Variants in CACNA2D3 observed in about 807,000 individuals in gnomAD.
The protein encoded by CACNA2D3 is calcium voltage-gated channel auxiliary subunit alpha2delta 3.
Under a neutral mutation model 160.6 loss-of-function variants are expected in CACNA2D3, and 60 were observed. The ratio of observed to expected loss-of-function variants is 0.37; its 90% confidence interval spans 0.30 to 0.46. The LOEUF is 0.46. Ranked by LOEUF, CACNA2D3 falls within the 20% of genes least tolerant of loss-of-function variation. The pLI is 1.00. For missense variants in CACNA2D3, 1,205 were observed against 1,365.0 expected, an observed-to-expected ratio of 0.88 and a Z score of 1.85; for synonymous variants, 558 against 492.9, an observed-to-expected ratio of 1.13 and a Z score of -1.75.
chr3:54,509,291 TTGTG>T (rs10586548), intron 5 of CACNA2D3, among the ~76,000 whole-genome samples: 137,660 of 150,932 alleles, frequency 0.91, 63,853 homozygotes, highest in Non-Finnish European at 0.99. Flanking sequence ...GTGTGTGTGT[TTGTG>T]TGTGTGTGTG....
chr3:54,563,871 C>G (rs143165714), intron 6 of CACNA2D3, among the ~76,000 whole-genome samples: 208 of 152,320 alleles, frequency 1.4e-3, no homozygotes, highest in African/African-American at 4.5e-3. Flanking sequence ...GCATCTGACC[C>G]TCGAGAATTG....
At chr3:54,680,159 TAA>T (rs111730342) in intron 11 of CACNA2D3, among the ~76,000 whole-genome samples, 1 of 144,272 alleles carries the variant, frequency 6.9e-6, no homozygotes, top group African/African-American at 2.5e-5. Context: ...ATTGAGAAGC[TAA>T]AAAAAAAAAA....
At chr3:55,031,093 C>T (rs989638883) in intron 35 of CACNA2D3, among the ~76,000 whole-genome samples, 2 of 152,158 alleles carry the variant, frequency 1.3e-5, no homozygotes, top group Non-Finnish European at 2.9e-5. Context: ...AGGAGACCAG[C>T]AGAGCCAAGG....
At chr3:54,760,569 T>C (rs1010901219) in intron 12 of CACNA2D3, among the ~76,000 whole-genome samples, 1 of 152,138 alleles carries the variant, frequency 6.6e-6, no homozygotes, top group Admixed American at 6.5e-5. Context: ...AGACAATCTC[T>C]GATGGCTGTG....
At chr3:54,288,644 C>T (rs1703099519) in intron 2 of CACNA2D3, among the ~76,000 whole-genome samples, 1 of 152,102 alleles carries the variant, frequency 6.6e-6, no homozygotes, top group Admixed American at 6.5e-5. Flanking sequence ...GACCAATATC[C>T]TTGATGAACA....
At chr3:54,703,300 G>A (rs1252268561) in intron 11 of CACNA2D3, among the ~76,000 whole-genome samples, 1 of 152,112 alleles carries the variant, frequency 6.6e-6, no homozygotes, top group Non-Finnish European at 1.5e-5. Context: ...GTGCCACAGA[G>A]TTTATTTGTA....
At chr3:54,893,587 G>C (rs1700118208) in intron 25 of CACNA2D3, among the ~76,000 whole-genome samples, 1 of 152,126 alleles carries the variant, frequency 6.6e-6, no homozygotes, top group African/African-American at 2.4e-5. Flanking sequence ...TTTTGGTTTA[G>C]TTTTTGCTTT....
intron 4 of CACNA2D3, among the ~76,000 whole-genome samples, chr3:54,490,533 G>GT (rs1426844445): frequency 6.6e-6 from 1 of 152,180 alleles, no homozygotes; most frequent in Non-Finnish European, 1.5e-5. Context: ...ACACAAAAAT[G>GT]TTTCCCTAAG....
intron 3 of CACNA2D3, among the ~76,000 whole-genome samples, chr3:54,350,986 G>T (rs80201523): frequency 0.36 from 23,448 of 64,674 alleles, 5,178 homozygotes; most frequent in East Asian, 0.41. Context: ...TTTTTTGTTT[G>T]TTTTTTTTTT....
chr3:54,817,251 A>C (rs962500302), intron 14 of CACNA2D3, among the ~76,000 whole-genome samples: 11 of 152,222 alleles, frequency 7.2e-5, no homozygotes, highest in African/African-American at 2.7e-4. Flanking sequence ...CGTGGTAACC[A>C]AGTTTAAATT....
chr3:54,596,268 C>A (rs1702952860), intron 9 of CACNA2D3, among the ~76,000 whole-genome samples: 1 of 152,154 alleles, frequency 6.6e-6, no homozygotes, highest in Non-Finnish European at 1.5e-5. Context: ...TGTCTTCTCC[C>A]AGCATCTCAG....
At chr3:54,748,196 T>A (rs1701790979) in intron 11 of CACNA2D3, among the ~76,000 whole-genome samples, 1 of 152,206 alleles carries the variant, frequency 6.6e-6, no homozygotes, top group Non-Finnish European at 1.5e-5. Flanking sequence ...TCTGTGCAAT[T>A]GCCCCATATA....
intron 4 of CACNA2D3, among the ~76,000 whole-genome samples, chr3:54,492,433 C>A (rs1350454675): frequency 1.3e-5 from 2 of 152,342 alleles, no homozygotes; most frequent in South Asian, 4.1e-4. Context: ...TGGCCTCCTA[C>A]AGCTTTCCCT....
At chr3:54,877,749 G>A (rs1354332725) in intron 18 of CACNA2D3, among the ~76,000 whole-genome samples, 2 of 152,170 alleles carry the variant, frequency 1.3e-5, no homozygotes, top group African/African-American at 4.8e-5. Flanking sequence ...TGGGGGTGGG[G>A]TGGCATGGAG....
intron 29 of CACNA2D3, among the ~76,000 whole-genome samples, chr3:54,972,298 T>A (rs762795794): frequency 6.6e-6 from 1 of 152,244 alleles, no homozygotes; most frequent in Non-Finnish European, 1.5e-5. Flanking sequence ...GTTTGTACTT[T>A]GAAGCTGTCA....
intron 11 of CACNA2D3, among the ~76,000 whole-genome samples, chr3:54,674,635 G>T (rs1296205535): frequency 1.3e-5 from 2 of 152,114 alleles, no homozygotes; most frequent in African/African-American, 4.8e-5. Context: ...TTGGTTGGAA[G>T]GATAGTTAAT....
At chr3:54,953,167 G>A (rs1395707112) in intron 27 of CACNA2D3, among the ~76,000 whole-genome samples, 2 of 152,216 alleles carry the variant, frequency 1.3e-5, no homozygotes, top group Non-Finnish European at 2.9e-5. Flanking sequence ...CTGGCACTGT[G>A]CTAGGCTCAT....
At chr3:54,770,862 T>A (rs1271310324) in intron 13 of CACNA2D3, among the ~76,000 whole-genome samples, 1 of 152,166 alleles carries the variant, frequency 6.6e-6, no homozygotes, top group East Asian at 1.9e-4. Context: ...TTTCTGTGAA[T>A]CTGTAAATGA....
intron 11 of CACNA2D3, among the ~76,000 whole-genome samples, chr3:54,703,661 A>G (rs757321388): frequency 6.6e-6 from 1 of 152,126 alleles, no homozygotes; most frequent in African/African-American, 2.4e-5. Flanking sequence ...TTTCTTTTCA[A>G]TATTTAGGAA....
Sources: gnomAD v4.1 joint callset for allele counts (sites outside exome capture counted in the v4.1 genomes callset) on GRCh38, gnomAD v4.1.1 for gene constraint, MANE v1.5 for transcripts, NCBI Gene and HGNC (gene_info 2026-07-23, HGNC 2026-07-21) for gene names.